Variants in EBF1 observed in about 807,000 individuals in gnomAD.
EBF1 encodes transcription factor COE1.
A neutral mutation model predicts 68.4 loss-of-function variants in EBF1; 10 were observed. The ratio of observed to expected loss-of-function variants is 0.15; its 90% confidence interval spans 0.09 to 0.25. The LOEUF is 0.25. Ranked by LOEUF, EBF1 falls within the 10% of genes least tolerant of loss-of-function variation. The pLI is 1.00. For synonymous variants in EBF1, 298 were observed against 299.8 expected (o/e 0.99, Z 0.06); for missense variants, 509 against 794.4 (o/e 0.64, Z 4.32).
chr5:158,931,934 A>G (rs1194438207), intron 6 of EBF1, among the ~76,000 whole-genome samples: 1 of 145,292 alleles, frequency 6.9e-6, no homozygotes, highest in Non-Finnish European at 1.5e-5. Flanking sequence ...GCTTCTCTTC[A>G]CAGTTTTTTT....
intron 6 of EBF1, among the ~76,000 whole-genome samples, chr5:158,953,722 A>T (rs1466468961): frequency 6.6e-6 from 1 of 152,098 alleles, no homozygotes; most frequent in Non-Finnish European, 1.5e-5. Context: ...GAGATTTGTA[A>T]GGGTAGAGAT....
intron 6 of EBF1, among the ~76,000 whole-genome samples, chr5:158,999,844 G>T (rs1762176020): frequency 6.6e-6 from 1 of 152,082 alleles, no homozygotes; most frequent in African/African-American, 2.4e-5. Context: ...TAAGAATAAT[G>T]GTATCCAACT....
intron 8 of EBF1, among the ~76,000 whole-genome samples, chr5:158,811,178 A>G (rs1466269832): frequency 1.3e-5 from 2 of 152,194 alleles, no homozygotes; most frequent in African/African-American, 4.8e-5. Context: ...GTGTGACGTG[A>G]TACCAGGACT....
intron 1 of EBF1, chr5:159,097,621 T>C (rs1283078586): frequency 1.3e-5 from 3 of 236,056 alleles, no homozygotes; most frequent in Non-Finnish European, 2.5e-5. Flanking sequence ...CCCCTCAAGC[T>C]CTGGCCAACT....
In EBF1 at chr5:158,696,488, T is replaced by A. The variant is rs554095659; in HGVS notation, c.*2623A>T. Reference sequence around the variant, plus strand: ...GGACACCTTCCCGGCTGACCGTTCATTCCTTCAGAAACAGTTAAGGGGCTC... The same window carrying A: ...GGACACCTTCCCGGCTGACCGTTCAATCCTTCAGAAACAGTTAAGGGGCTC... On this transcript the variant is annotated 3_prime_UTR_variant, in exon 16 of 16. Transcript: ENST00000313708. 3.1e-5 allele frequency: 7 copies of A among 223,968 alleles called. 1 individual carries two copies. In the South Asian group the frequency reaches 1.3e-3, roughly 41 times the overall value. The allele number at this position is 223,968 out of a possible 1,614,324, so 13.9% of individuals were successfully genotyped here.
At chr5:158,975,567 G>A (rs1198359526) in intron 6 of EBF1, among the ~76,000 whole-genome samples, 1 of 152,038 alleles carries the variant, frequency 6.6e-6, no homozygotes, top group Non-Finnish European at 1.5e-5. Context: ...AGAGTGAAAG[G>A]AAGAAAAGAA....
At chr5:159,071,605 C>T (rs1449449367) in intron 6 of EBF1, among the ~76,000 whole-genome samples, 1 of 152,154 alleles carries the variant, frequency 6.6e-6, no homozygotes, top group African/African-American at 2.4e-5. Flanking sequence ...AGTCAAGTTT[C>T]TTATGCCATC....
chr5:158,906,293 C>T (rs1265492437), intron 6 of EBF1, among the ~76,000 whole-genome samples: 1 of 134,708 alleles, frequency 7.4e-6, no homozygotes, highest in African/African-American at 2.8e-5. Flanking sequence ...TTTCCTTACC[C>T]TGGCAATGCA....
intron 6 of EBF1, among the ~76,000 whole-genome samples, chr5:159,015,910 CAT>C (rs1390095182): frequency 1.3e-5 from 2 of 152,212 alleles, no homozygotes; most frequent in Non-Finnish European, 2.9e-5. Context: ...AAACACCACA[CAT>C]GTGGATTTGT....
At chr5:158,815,868 A>C (rs995358054) in intron 8 of EBF1, among the ~76,000 whole-genome samples, 1 of 152,200 alleles carries the variant, frequency 6.6e-6, no homozygotes, top group Non-Finnish European at 1.5e-5. Flanking sequence ...GAAAGACAAA[A>C]GGCATCTTCT....
At position 158,888,529 on chromosome 5, in the gene EBF1, G is replaced by A. The variant is rs375900526; in HGVS notation, c.555-48419C>T. Among the ~76,000 whole-genome samples the A allele has an allele frequency of 2.0e-3, 311 of 152,200 alleles. 3 individuals are homozygous for A. Among genetic ancestry groups the A allele is most frequent in the African/African-American group, 7.3e-3 (304 of 41,520 alleles). ...AGCCAATGTGCTAAATTTGTTCAGT[G>A]AGTTGTCAAGAAAACATTTTCTATG... On this transcript the variant is annotated intron_variant, in intron 6 of 15. Transcript: ENST00000313708.
intron 11 of EBF1, 89 bp from the exon 12 acceptor site, chr5:158,714,271 T>C: frequency 1.3e-6 from 2 of 1,494,706 alleles, no homozygotes; most frequent in Non-Finnish European, 1.9e-6. Context: ...CCTCTGGCCA[T>C]ACTTTGCCAA....
chr5:158,971,614 T>G (rs985006573), intron 6 of EBF1, among the ~76,000 whole-genome samples: 2 of 152,074 alleles, frequency 1.3e-5, no homozygotes, highest in Non-Finnish European at 2.9e-5. Context: ...AGAACCTCTG[T>G]TTTCTAGAAT....
At chr5:158,921,997 G>A (rs1021474456) in intron 6 of EBF1, among the ~76,000 whole-genome samples, 1 of 152,208 alleles carries the variant, frequency 6.6e-6, no homozygotes, top group African/African-American at 2.4e-5. Flanking sequence ...GAGAGACAGA[G>A]ACAGACAGCG....
intron 7 of EBF1, among the ~76,000 whole-genome samples, chr5:158,834,507 T>TAA (rs72321019): frequency 3.5e-5 from 5 of 144,664 alleles, no homozygotes; most frequent in African/African-American, 1.3e-4. Flanking sequence ...CATTGTAAAT[T>TAA]AAAAAAAAAA....
intron 10 of EBF1, among the ~76,000 whole-genome samples, chr5:158,765,885 A>T (rs933759338): frequency 4.6e-5 from 7 of 152,220 alleles, no homozygotes; most frequent in Non-Finnish European, 8.8e-5. Context: ...ACTCATACCA[A>T]GGATTGCACA....
intron 7 of EBF1, among the ~76,000 whole-genome samples, chr5:158,826,636 G>C (rs1786193349): frequency 6.6e-6 from 1 of 152,084 alleles, no homozygotes; most frequent in Non-Finnish European, 1.5e-5. Context: ...ATTTCTATTA[G>C]GGGGCTTTGC....
intron 10 of EBF1, among the ~76,000 whole-genome samples, chr5:158,764,301 G>A (rs923351930): frequency 6.6e-6 from 1 of 152,146 alleles, no homozygotes; most frequent in South Asian, 2.1e-4. Flanking sequence ...GGAATCTGGT[G>A]TAAATATCTA....
chr5:158,863,729 T>G (rs1256012626), intron 6 of EBF1, among the ~76,000 whole-genome samples: 2 of 152,168 alleles, frequency 1.3e-5, no homozygotes, highest in Non-Finnish European at 2.9e-5. Flanking sequence ...ATAATCTTGA[T>G]TTTTTTCATA....
Sources: gnomAD v4.1 joint callset for allele counts (sites outside exome capture counted in the v4.1 genomes callset) on GRCh38, gnomAD v4.1.1 for gene constraint, MANE v1.5 for transcripts, NCBI Gene and HGNC (gene_info 2026-07-23, HGNC 2026-07-21) for gene names.